The following HELZ2 variants were observed in gnomAD, a reference collection of about 807,000 sequenced individuals.
HELZ2 encodes 3'-5' exoribonuclease HELZ2.
Under a neutral mutation model 208.8 loss-of-function variants are expected in HELZ2, and 143 were observed. The ratio of observed to expected loss-of-function variants is 0.68; its 90% confidence interval spans 0.60 to 0.79. HELZ2 has a LOEUF of 0.79. HELZ2 is among the 30% of genes least tolerant of loss of function. The pLI, the probability that HELZ2 is intolerant of heterozygous loss-of-function variation, is 0.00. For synonymous variants in HELZ2, 1,705 were observed against 1,693.7 expected (o/e 1.01, Z -0.16); for missense variants, 3,690 against 3,794.5 (o/e 0.97, Z 0.72).
chr20:63,561,290 C>T lies in HELZ2; in HGVS notation c.6954-16G>A. 6.2e-7 allele frequency: 1 copy of T among 1,612,356 alleles called. No homozygotes were observed. Among genetic ancestry groups the T allele is most frequent in the East Asian group, 2.2e-5 (1 of 44,866 alleles). On this transcript the variant is annotated splice_polypyrimidine_tract_variant and intron_variant, in intron 13 of 18. Transcript: ENST00000467148. Reference sequence around the variant, plus strand: ...CTTCTTGTACCTGCCGGGGACACTGCTTGTCACCCCAGGGCCCCCATGCTG... The same window carrying T: ...CTTCTTGTACCTGCCGGGGACACTGTTTGTCACCCCAGGGCCCCCATGCTG...
exon 8 of HELZ2, chr20:63,562,996 G>A (rs748554764): frequency 1.2e-6 from 2 of 1,600,624 alleles, no homozygotes; most frequent in South Asian, 1.1e-5. Context: ...CCCACACGCA[G>A]GCGTACTCAT....
In HELZ2 at chr20:63,565,706, C is replaced by G. The variant is rs778385003; in HGVS notation, c.3116G>C (p.Cys1039Ser). 81 of 1,607,620 alleles carry G rather than the reference C, an allele frequency of 5.0e-5. 1 individual carries two copies. The Admixed American group carries it at 1.3e-3, about 26-fold the overall frequency. The change falls in exon 8 of 19, where the codon TGT becomes TCT. Residue 1039 changes from cysteine to serine, a missense_variant. By Grantham distance (112) the Cys-to-Ser change is moderately radical (BLOSUM62 -1). Coordinates refer to ENST00000467148, the Ensembl canonical transcript of HELZ2. ...CGCTGCAGCAGCCGCTCCTGCCGCA[C>G]AGGCCCCGGGCACCACGTCTTCCTT...
At chr20:63,573,188 C>G (rs1176898403), upstream of HELZ2, 4 of 152,326 alleles carry the variant, frequency 2.6e-5, no homozygotes, top group East Asian at 7.7e-4. This position sits in a 1 kb window ranked among gnomAD's most constrained non-coding sequence, Gnocchi z 4.9. Flanking sequence ...CGGGTCCACG[C>G]AGTCCACTGG....
chr20:63,558,972 A>G, downstream of HELZ2: 1 of 344,010 alleles, frequency 2.9e-6, no homozygotes, highest in South Asian at 6.9e-5. Context: ...GAGACTTCCC[A>G]GGGACAGCAG....
At chr20:63,568,541 T>C (rs760494953) in exon 5 of HELZ2, 3 of 1,583,124 alleles carry the variant, frequency 1.9e-6, no homozygotes, top group Non-Finnish European at 2.6e-6. Flanking sequence ...CTGCTTGCGG[T>C]TGCCACGCCG....
At chr20:63,564,461 C>A (rs201300001) in exon 8 of HELZ2, 4 of 1,575,304 alleles carry the variant, frequency 2.5e-6, no homozygotes, top group African/African-American at 1.3e-5. Context: ...GGACAGCTGG[C>A]GGTCAGACTG....
upstream of HELZ2, chr20:63,572,680 G>C (rs780177450): frequency 4.3e-5 from 17 of 395,312 alleles, no homozygotes; most frequent in South Asian, 9.2e-4. Flanking sequence ...GGATGGCGTC[G>C]GCCGCCCGGC....
exon 10 of HELZ2, chr20:63,562,128 TTCTGGC>T: frequency 6.2e-7 from 1 of 1,610,728 alleles, no homozygotes; most frequent in Non-Finnish European, 8.5e-7. Context: ...GACCGCCACG[TTCTGGC>T]TGGGGTTCAG....
At chr20:63,572,377 C>T (rs747426869) in exon 1 of HELZ2, 16 of 1,537,812 alleles carry the variant, frequency 1.0e-5, no homozygotes, top group Non-Finnish European at 1.4e-5. Context: ...CGGCCTCCCA[C>T]ACAGCCATCT....
chr20:63,565,447 C>G, exon 8 of HELZ2: 3 of 1,609,418 alleles, frequency 1.9e-6, no homozygotes, highest in Non-Finnish European at 2.5e-6. Flanking sequence ...ACCGCTCGGG[C>G]TCCGCGTGCA....
chr20:63,570,824 G>C lies in HELZ2; in HGVS notation c.323C>G (p.Ser108Ter). 1 of 1,609,022 alleles carries C rather than the reference G, an allele frequency of 6.2e-7. No individual in the cohort carries two copies. The highest frequency in any genetic ancestry group is 8.5e-7 in the Non-Finnish European group (1 of 1,177,652). The stretch of plus-strand genomic sequence containing the variant: ...GACCCACTCCTGCAGCTCCTGTGCT[G>C]AGTGTGCCTTGGTGCAGGCGTCCCC... Residue 108 changes from serine to a stop codon, truncating the protein, a stop_gained, in exon 2 of 19, where the codon TCA becomes TGA. Transcript: ENST00000467148. LOFTEE classifies it high-confidence loss of function.
chr20:63,559,290 C>T, exon 19 of HELZ2: 2 of 1,593,244 alleles, frequency 1.3e-6, no homozygotes, highest in Non-Finnish European at 1.7e-6. Flanking sequence ...ACCTGGCCGG[C>T]AGGCACGAGG....
At chr20:63,562,574 A>G in exon 8 of HELZ2, 1 of 1,598,860 alleles carries the variant, frequency 6.3e-7, no homozygotes, top group Non-Finnish European at 8.5e-7. Flanking sequence ...GCCCGGCCTC[A>G]GCACCTCTTC....
At chr20:63,568,200 G>A (rs1425026057) in intron 5 of HELZ2, 158 bp downstream of exon 6, 3 of 647,496 alleles carry the variant, frequency 4.6e-6, no homozygotes, top group Admixed American at 6.0e-5. Context: ...CACCCTCGGT[G>A]CCCTGAGCTG....
exon 8 of HELZ2, chr20:63,564,557 C>A (rs61742353): frequency 6.4e-6 from 10 of 1,568,916 alleles, no homozygotes; most frequent in African/African-American, 2.7e-5. Context: ...CAGGCGGTCC[C>A]GGCCAGGCAG....
Position 63,565,891 on chromosome 20 carries a change from G to C in HELZ2, c.2931C>G (p.Ala977=), listed in dbSNP as rs750855814. 8 of 1,597,206 alleles carry C rather than the reference G, an allele frequency of 5.0e-6. No homozygotes were observed. The South Asian group carries it at 8.8e-5, about 18-fold the overall frequency. ...CGGCCAGGTCCCCTACTGGCTCTGG[G>C]GCAGCCTCCCAGTTCCCCGCTGCCC... Residue 977 remains alanine (A), a synonymous_variant, in exon 8 of 19, where the codon GCC becomes GCG. Transcript: ENST00000467148.
chr20:63,572,522 C>A, upstream of HELZ2: 1 of 961,232 alleles, frequency 1.0e-6, no homozygotes, highest in Non-Finnish European at 1.5e-6. Flanking sequence ...TTGCTTGCGG[C>A]GGCCCTCGGC....
At chr20:63,558,589 A>G (rs2082840286), downstream of HELZ2, 1 of 151,872 alleles carries the variant, frequency 6.6e-6, no homozygotes, top group African/African-American at 2.4e-5. Context: ...CCCAGGCTGG[A>G]GTGCAGTGGT....
exon 6 of HELZ2, chr20:63,567,020 G>A (rs1406465236): frequency 6.2e-7 from 1 of 1,611,136 alleles, no homozygotes; most frequent in African/African-American, 1.3e-5. Flanking sequence ...CAGAACATGA[G>A]CGGGTAGTGC....
Sources: allele counts gnomAD v4.1 joint callset, GRCh38; gene constraint gnomAD v4.1.1; non-coding constraint Gnocchi (gnomAD v3.1); transcripts MANE v1.5; gene names NCBI Gene and HGNC (gene_info 2026-07-23, HGNC 2026-07-21).